The following CEP95 variants were observed in gnomAD, a reference collection of about 807,000 sequenced individuals.
CEP95 encodes centrosomal protein of 95 kDa.
In CEP95, 98 loss-of-function variants were observed where a neutral mutation model predicts 111.2. The observed-to-expected ratio is 0.88, with a 90% CI of 0.75 to 1.04. The LOEUF is 1.04. Ranked by LOEUF, CEP95 falls within the 50% of genes least tolerant of loss-of-function variation. The pLI is 0.00. For synonymous variants in CEP95, 323 were observed against 327.1 expected, an observed-to-expected ratio of 0.99 and a Z score of 0.14; for missense variants, 1,027 against 977.2, an observed-to-expected ratio of 1.05 and a Z score of -0.68.
At chr17:64,536,533 CAG>C (rs1329304828) in intron 17 of CEP95, 67 bp from the exon 18 acceptor site, 166 of 1,057,656 alleles carry the variant, frequency 1.6e-4, no homozygotes, top group Non-Finnish European at 1.6e-4. Context: ...GAAATACAAT[CAG>C]TATATACCTC....
intron 13 of CEP95, 101 bp from the exon 14 acceptor site, chr17:64,531,789 A>T (rs1209640091): frequency 2.3e-6 from 2 of 873,726 alleles, no homozygotes; most frequent in Non-Finnish European, 3.2e-6. Flanking sequence ...AAAACTAAAA[A>T]ACTACCGTTA....
intron 2 of CEP95, among the ~76,000 whole-genome samples, chr17:64,509,411 T>A (rs1412445926): frequency 6.6e-6 from 1 of 152,186 alleles, no homozygotes; most frequent in Non-Finnish European, 1.5e-5. Flanking sequence ...GCGCGGTGGC[T>A]CACACCTCTA....
chr17:64,533,084 A>G (rs1555680734), intron 15 of CEP95, 33 bp from the exon 16 acceptor site: 1 of 1,606,902 alleles, frequency 6.2e-7, no homozygotes, highest in Non-Finnish European at 8.5e-7. Context: ...GAACAGCATT[A>G]TTAACCTACT....
chr17:64,516,770 G>A lies in CEP95; in HGVS notation c.415G>A (p.Glu139Lys), dbSNP rs371452398. 4 of 1,612,792 alleles carry A rather than the reference G, an allele frequency of 2.5e-6. No individual in the cohort carries two copies. Among genetic ancestry groups the A allele is most frequent in the African/African-American group, 2.7e-5 (2 of 74,888 alleles). ...AGAATCTGATCGAGGAGAACGTTTG[G>A]AAGAGCCAGAAAGTACTAAAGAATC... ...FKESDRGERL[E>K]EPESTKESKS... Residue 139 changes from glutamate (E) to lysine (K), a missense_variant, in exon 5 of 20, where the codon GAA (glutamate) becomes AAA (lysine). Glu to Lys is a moderately conservative substitution (Grantham distance 56). Transcript: ENST00000556440.
intron 5 of CEP95, among the ~76,000 whole-genome samples, chr17:64,518,745 A>G (rs782588735): frequency 3.4e-4 from 52 of 151,864 alleles, no homozygotes; most frequent in African/African-American, 8.2e-4. Context: ...CAGTGGTGCA[A>G]TCTCGGCTCA....
Position 64,514,379 on chromosome 17 carries a change from T to G in CEP95, c.367+21T>G, listed in dbSNP as rs140630705. The G allele has an allele frequency of 7.8e-3, 9,101 of 1,174,066 alleles. 94 individuals are homozygous for G. The highest frequency in any genetic ancestry group is 0.011 in the Middle Eastern group (58 of 5,284). 72.7% of individuals were successfully genotyped at this position (1,174,066 alleles called of 1,614,324 possible). Reference sequence around the variant, plus strand: ...GAAAAGTAAGTTTAAGAATGGAAATTTGGTTTGGTTTACCTTTTATGATGT... The same window carrying G: ...GAAAAGTAAGTTTAAGAATGGAAATGTGGTTTGGTTTACCTTTTATGATGT... On this transcript the variant is annotated intron_variant, in intron 4 of 19. Coordinates refer to ENST00000556440, the MANE Select transcript of CEP95 (RefSeq NM_138363.3).
chr17:64,534,902 C>G (rs192294206), intron 17 of CEP95, 165 bp downstream of exon 17: 2 of 730,616 alleles, frequency 2.7e-6, no homozygotes, highest in Non-Finnish European at 4.6e-6. Context: ...CATTTTCTTA[C>G]TCCATTGTGC....
intron 3 of CEP95, among the ~76,000 whole-genome samples, chr17:64,512,801 GT>G (rs1242097516): frequency 6.6e-6 from 1 of 152,140 alleles, no homozygotes; most frequent in African/African-American, 2.4e-5. Flanking sequence ...TACTCCCATA[GT>G]TTCCCTCTTT....
intron 17 of CEP95, 111 bp from the exon 18 acceptor site, chr17:64,536,491 T>C (rs898143186): frequency 2.9e-6 from 2 of 699,912 alleles, no homozygotes; most frequent in Non-Finnish European, 4.6e-6. Flanking sequence ...AACATCTGAA[T>C]AAAACTAGTA....
At chr17:64,523,642 G>A (rs188233600) in intron 8 of CEP95, among the ~76,000 whole-genome samples, 48 of 152,142 alleles carry the variant, frequency 3.2e-4, no homozygotes, top group Non-Finnish European at 4.7e-4. Flanking sequence ...GACTGGGTTC[G>A]GTGGCTCACA....
At chr17:64,534,470 C>CA in intron 16 of CEP95, 115 bp from the exon 17 acceptor site, 1 of 931,176 alleles carries the variant, frequency 1.1e-6, no homozygotes, top group South Asian at 1.7e-5. Context: ...ACTGGCCCCC[C>CA]ACACGTGACA....
chr17:64,536,755 T>C lies in CEP95; in HGVS notation c.2217+7T>C, dbSNP rs782384816. 2 of 1,591,484 alleles carry C rather than the reference T, an allele frequency of 1.3e-6. No individual in the cohort carries two copies. Among genetic ancestry groups the C allele is most frequent in the Admixed American group, 3.8e-5 (2 of 52,734 alleles). On this transcript the variant is annotated splice_region_variant and intron_variant, in intron 18 of 19. Transcript: ENST00000556440. The stretch of plus-strand genomic sequence containing the variant: ...GAACTACTATAAGGACCAGGTGGGC[T>C]CCTGGCACTTGCTTACGCTGTTGTG...
Position 64,526,220 on chromosome 17 carries a change from CTA to C in CEP95, c.1152+24_1152+25del. The C allele has an allele frequency of 6.3e-7, 1 of 1,599,904 alleles. No homozygotes were observed. The highest frequency in any genetic ancestry group is 8.5e-7 in the Non-Finnish European group (1 of 1,174,754). On this transcript the variant is annotated intron_variant, in intron 10 of 19. Coordinates refer to ENST00000556440, the MANE Select transcript of CEP95 (RefSeq NM_138363.3). Reference sequence around the variant, plus strand: ...GATTGGGCAAGTCTTGTTTTTTCATCTATATTGAGATTCCCATGGGTTAAGTG... The same window carrying C: ...GATTGGGCAAGTCTTGTTTTTTCATCTATTGAGATTCCCATGGGTTAAGTG...
intron 5 of CEP95, among the ~76,000 whole-genome samples, chr17:64,518,156 C>T (rs748557837): frequency 1.5e-4 from 23 of 152,216 alleles, no homozygotes; most frequent in African/African-American, 4.3e-4. Flanking sequence ...GGATTACAGG[C>T]GTGAGCCCCT....
rs782192624 is a variant in CEP95, at chr17:64,531,012, G to A, written c.1533G>A (p.Glu511=). ...IGPLRIHEKE[E]ETEKIYRGEA... is the part of the protein sequence containing the mutation. The stretch of plus-strand genomic sequence containing the variant: ...CTCTAAGAATACATGAGAAGGAGGA[G>A]GAAACAGTGGGTAAAAGTCTCCACT... Residue 511 remains glutamate (E), a synonymous_variant, in exon 13 of 20, where the codon GAG becomes GAA. Coordinates refer to ENST00000556440, the MANE Select transcript of CEP95 (RefSeq NM_138363.3). The A allele has an allele frequency of 1.3e-6, 2 of 1,526,994 alleles. No individual in the cohort carries two copies. The highest frequency in any genetic ancestry group is 2.0e-5 in the Admixed American group (1 of 50,704). 94.6% of individuals were successfully genotyped at this position (1,526,994 alleles called of 1,614,324 possible).
intron 10 of CEP95, among the ~76,000 whole-genome samples, chr17:64,526,526 TTGGA>T (rs1269944951): frequency 1.3e-5 from 2 of 152,356 alleles, no homozygotes; most frequent in East Asian, 1.9e-4. Context: ...TGGTATAAAA[TTGGA>T]TGGATCACTG....
chr17:64,530,175 C>T (rs556398987), intron 12 of CEP95, among the ~76,000 whole-genome samples: 2 of 152,174 alleles, frequency 1.3e-5, no homozygotes, highest in African/African-American at 2.4e-5. Context: ...CACCTGAGGT[C>T]GGGAGTTCGA....
intron 13 of CEP95, 85 bp downstream of exon 13, chr17:64,531,103 GC>G: frequency 2.9e-6 from 2 of 694,704 alleles, no homozygotes; most frequent in Non-Finnish European, 4.6e-6. Context: ...AGAAGAAGGG[GC>G]CAACAGGGCC....
chr17:64,509,651 T>C (rs2038780608), intron 2 of CEP95, among the ~76,000 whole-genome samples: 2 of 152,164 alleles, frequency 1.3e-5, no homozygotes, highest in South Asian at 4.1e-4. Context: ...CGCCACTGCA[T>C]TCCAGCCTGG....
Sources: allele counts gnomAD v4.1 joint callset (sites outside exome capture counted in the v4.1 genomes callset), GRCh38; gene constraint gnomAD v4.1.1; transcripts MANE v1.5; gene names NCBI Gene and HGNC (gene_info 2026-07-23, HGNC 2026-07-21).